The following LUC7L variants were observed in gnomAD, a reference collection of about 807,000 sequenced individuals.
LUC7L encodes putative RNA-binding protein Luc7-like 1.
Under a neutral mutation model 51.1 loss-of-function variants are expected in LUC7L, and 29 were observed. That is an observed-to-expected ratio of 0.57 (90% CI 0.42 to 0.77). The LOEUF is 0.77. LUC7L is among the 30% of genes least tolerant of loss of function. The pLI is 0.00. For missense variants in LUC7L, 403 were observed against 511.9 expected (o/e 0.79, Z 2.05); for synonymous variants, 181 against 180.7 (o/e 1.00, Z -0.01).
intron 3 of LUC7L, among the ~76,000 whole-genome samples, chr16:210,026 G>A (rs544287213): frequency 4.6e-5 from 7 of 152,218 alleles, no homozygotes; most frequent in Admixed American, 2.6e-4. Context: ...GGTAGCTCAC[G>A]CCTGTAATCC....
At chr16:202,497 T>A in intron 5 of LUC7L, among the ~76,000 whole-genome samples, 1 of 152,292 alleles carries the variant, frequency 6.6e-6, no homozygotes, top group African/African-American at 2.4e-5. Context: ...TTTCTATGTT[T>A]ACGTACACAA....
At chr16:191,602 T>C (rs1419150265) in intron 7 of LUC7L, among the ~76,000 whole-genome samples, 1 of 152,160 alleles carries the variant, frequency 6.6e-6, no homozygotes, top group African/African-American at 2.4e-5. Flanking sequence ...ATCCCAGCAC[T>C]CTGGGAGGCT....
chr16:229,024 C>T lies in LUC7L; in HGVS notation c.61+255G>A, dbSNP rs749351486. 4 of 1,452,852 alleles carry T rather than the reference C, an allele frequency of 2.8e-6. No homozygotes were observed. In the South Asian group the frequency reaches 4.0e-5, roughly 15 times the overall value. 90.0% of individuals were successfully genotyped at this position (1,452,852 alleles called of 1,614,324 possible). A position where few individuals can be genotyped will look rare whatever the true frequency, so the allele number is the denominator to read the frequency against. On this transcript the variant is annotated intron_variant, in intron 1 of 9. Coordinates refer to ENST00000293872, the MANE Select transcript of LUC7L (RefSeq NM_201412.3). The stretch of plus-strand genomic sequence containing the variant: ...GCCCGCCGGGGAGGAAGTAGCAGGA[C>T]GGTACATAGGAAGGAGGCTGAAGCC...
intron 2 of LUC7L, 63 bp from the exon 3 acceptor site, chr16:220,810 C>T (rs1344310695): frequency 5.8e-6 from 6 of 1,039,364 alleles, no homozygotes; most frequent in East Asian, 2.4e-5. Context: ...GCACACAACG[C>T]GACTTGGTGT....
intron 7 of LUC7L, among the ~76,000 whole-genome samples, chr16:192,597 G>A (rs751782813): frequency 6.9e-6 from 1 of 144,500 alleles, no homozygotes; most frequent in Non-Finnish European, 1.5e-5. Flanking sequence ...TCTGCCTCCC[G>A]GGCTCAAGTG....
chr16:197,965 GTACT>G (rs1381220898), intron 6 of LUC7L, among the ~76,000 whole-genome samples: 4 of 152,056 alleles, frequency 2.6e-5, no homozygotes, highest in Non-Finnish European at 1.5e-5. Flanking sequence ...TTAGCATTCC[GTACT>G]TAAAGTTTTT....
intron 6 of LUC7L, 43 bp downstream of exon 6, chr16:199,019 A>G (rs201839293): frequency 7.8e-5 from 117 of 1,506,558 alleles, no homozygotes; most frequent in Non-Finnish European, 9.6e-5. Flanking sequence ...ATGTGAAAAC[A>G]CCCCAAGACT....
Position 222,322 on chromosome 16 carries a change from A to G in LUC7L, c.157-1575T>C, listed in dbSNP as rs555977419. 3.0e-4 allele frequency among the ~76,000 whole-genome samples: 39 copies of G among 130,688 alleles called. No individual in the cohort carries two copies. In the South Asian group the frequency reaches 0.01, roughly 35 times the overall value. 85.7% of individuals were successfully genotyped at this position (130,688 alleles called of 152,430 possible). ...CAGTAGGACAAAAGAACATGTCTACATAACCAGAAAAAAAAAAAAAAAAAG... is the reference window on the plus strand; with the variant it reads ...CAGTAGGACAAAAGAACATGTCTACGTAACCAGAAAAAAAAAAAAAAAAAG... On this transcript the variant is annotated intron_variant, in intron 2 of 9. Transcript: ENST00000293872.
chr16:201,170 GAAAAAA>G (rs36033830), intron 5 of LUC7L, among the ~76,000 whole-genome samples: 5 of 70,372 alleles, frequency 7.1e-5, no homozygotes, highest in East Asian at 4.8e-4. Flanking sequence ...CTCTGTCTGA[GAAAAAA>G]AAAAAAAAAA....
At position 189,714 on chromosome 16, in the gene LUC7L, T is replaced by C. The variant is rs541736339; in HGVS notation, c.974+254A>G. 1.3e-5 allele frequency: 18 copies of C among 1,364,066 alleles called. No homozygotes were observed. In the South Asian group the frequency reaches 1.4e-4, roughly 11 times the overall value. 84.5% of individuals were successfully genotyped at this position (1,364,066 alleles called of 1,614,324 possible). A position where few individuals can be genotyped will look rare whatever the true frequency, so the allele number is the denominator to read the frequency against. ...ACACAAGTCTCAGCCACTCTGAGCA[T>C]GGACGCAACAGTGCACAGGCCCCAG... On this transcript the variant is annotated intron_variant, in intron 9 of 9. Coordinates refer to ENST00000293872, the MANE Select transcript of LUC7L (RefSeq NM_201412.3).
chr16:214,298 G>A (rs112071762), intron 3 of LUC7L, among the ~76,000 whole-genome samples: 1 of 151,744 alleles, frequency 6.6e-6, no homozygotes, highest in Non-Finnish European at 1.5e-5. Context: ...CTGACCTCAT[G>A]ATCCACCCAC....
chr16:189,838 C>G, intron 9 of LUC7L, 130 bp downstream of exon 9: 1 of 1,460,668 alleles, frequency 6.8e-7, no homozygotes, highest in Non-Finnish European at 9.0e-7. Flanking sequence ...GTCCCGTTCA[C>G]GACTCCCCAG....
chr16:200,739 C>T (rs932177835), intron 5 of LUC7L, among the ~76,000 whole-genome samples: 4 of 151,892 alleles, frequency 2.6e-5, no homozygotes, highest in Non-Finnish European at 5.9e-5. Context: ...ATAATTAGCC[C>T]GCTGTGGTGG....
At chr16:221,900 T>C (rs1370242750) in intron 2 of LUC7L, among the ~76,000 whole-genome samples, 1 of 152,126 alleles carries the variant, frequency 6.6e-6, no homozygotes. Flanking sequence ...TAGCTGATTG[T>C]GTATCAAAGG....
At position 229,200 on chromosome 16, in the gene LUC7L, C is replaced by G. The variant is rs965894054; in HGVS notation, c.61+79G>C. On this transcript the variant is annotated intron_variant, in intron 1 of 9. Transcript: ENST00000293872. Reference sequence around the variant, plus strand: ...GCGCAGGCGCAGGCGCAGACGATCGCGGCCCCCGCCTCAGGCCGCCCGGCG... The same window carrying G: ...GCGCAGGCGCAGGCGCAGACGATCGGGGCCCCCGCCTCAGGCCGCCCGGCG... The G allele has an allele frequency of 6.7e-6, 10 of 1,500,192 alleles. No individual in the cohort carries two copies. In the African/African-American group the frequency reaches 1.3e-4, roughly 20 times the overall value. 92.9% of individuals were successfully genotyped at this position (1,500,192 alleles called of 1,614,324 possible). A position where few individuals can be genotyped will look rare whatever the true frequency, so the allele number is the denominator to read the frequency against.
rs754309530 is a variant in LUC7L, at chr16:197,207, CTTTTTTTTTTTTTTTTTTT to C, written c.687+1836_687+1854del. 4.0e-3 allele frequency among the ~76,000 whole-genome samples: 324 copies of C among 80,430 alleles called. 3 individuals carry two copies. Among genetic ancestry groups the C allele is most frequent in the South Asian group, 8.0e-3 (20 of 2,494 alleles). 52.8% of individuals were successfully genotyped at this position (80,430 alleles called of 152,430 possible). A position where few individuals can be genotyped will look rare whatever the true frequency, so the allele number is the denominator to read the frequency against. ...AGGAGGCTGAGCCTCTGCACCCAGC[CTTTTTTTTTTTTTTTTTTT>C]TTTTTGAGACGGAGTCTTGCTCTGT... On this transcript the variant is annotated intron_variant, in intron 6 of 9. Coordinates refer to ENST00000293872, the MANE Select transcript of LUC7L (RefSeq NM_201412.3).
rs575317399 is a variant in LUC7L at position 196,702 on chromosome 16, G to A, written c.687+2360C>T. Among the ~76,000 whole-genome samples the A allele has an allele frequency of 1.5e-4, 22 of 151,572 alleles. No homozygotes were observed. In the South Asian group the frequency reaches 4.0e-3, roughly 27 times the overall value. ...ACCACCATGCCCAGCTAATTTTTGTGTTTTCAGTAGAGACAGGGTTTTGCT... is the reference window on the plus strand; with the variant it reads ...ACCACCATGCCCAGCTAATTTTTGTATTTTCAGTAGAGACAGGGTTTTGCT... On this transcript the variant is annotated intron_variant, in intron 6 of 9. Coordinates refer to ENST00000293872, the MANE Select transcript of LUC7L (RefSeq NM_201412.3).
chr16:199,589 T>C (rs954574639), intron 5 of LUC7L, among the ~76,000 whole-genome samples: 2 of 151,650 alleles, frequency 1.3e-5, no homozygotes, highest in African/African-American at 4.8e-5. Flanking sequence ...CTGACCAACA[T>C]GGAGAAACCC....
chr16:203,848 C>CAGCCAGG, intron 5 of LUC7L, among the ~76,000 whole-genome samples: 1 of 151,982 alleles, frequency 6.6e-6, no homozygotes, highest in Admixed American at 6.6e-5. Context: ...AATCATATCT[C>CAGCCAGG]TACTAAAAAC....
Sources: allele counts gnomAD v4.1 joint callset (sites outside exome capture counted in the v4.1 genomes callset), GRCh38; gene constraint gnomAD v4.1.1; transcripts MANE v1.5; gene names NCBI Gene and HGNC (gene_info 2026-07-23, HGNC 2026-07-21).